KLF12: variants seen among roughly 807,000 people sequenced by gnomAD.
KLF12 encodes KLF transcription factor 12, also known as Krueppel-like factor 12.
KLF12 carries 9 observed loss-of-function variants against 37.8 expected under a neutral mutation model. The observed-to-expected ratio is 0.24, with a 90% CI of 0.14 to 0.42. KLF12 has a LOEUF of 0.42. Ranked by LOEUF, KLF12 falls within the 10% of genes least tolerant of loss-of-function variation. The pLI, the probability that KLF12 is intolerant of heterozygous loss-of-function variation, is 1.00. For synonymous variants in KLF12, 208 were observed against 202.1 expected (o/e 1.03, Z -0.25); for missense variants, 411 against 516.0 (o/e 0.80, Z 1.97).
intron 6 of KLF12, among the ~76,000 whole-genome samples, chr13:73,749,124 T>C (rs1014985877): frequency 6.6e-6 from 1 of 152,174 alleles, no homozygotes; most frequent in Non-Finnish European, 1.5e-5. Flanking sequence ...GCTACAATCC[T>C]AGGGGAGGCC....
At chr13:74,135,524 T>C (rs1208088636), upstream of KLF12, among the ~76,000 whole-genome samples, 1 of 150,874 alleles carries the variant, frequency 6.6e-6, no homozygotes, top group Non-Finnish European at 1.5e-5. Context: ...CCGCGGCGGC[T>C]CGGAGGGCGC....
At chr13:74,289,963 T>G in the KLF12 span, among the ~76,000 whole-genome samples, 2 of 152,216 alleles carry the variant, frequency 1.3e-5, no homozygotes. Flanking sequence ...TTGATGTAGC[T>G]GGAGGCCCTA....
chr13:73,962,170 A>C (rs1056876639), intron 2 of KLF12, among the ~76,000 whole-genome samples: 16 of 152,242 alleles, frequency 1.1e-4, no homozygotes, highest in African/African-American at 3.9e-4. Flanking sequence ...AGCCATGAAA[A>C]GACATGCAGG....
chr13:73,949,915 A>G (rs1442148767), intron 2 of KLF12, among the ~76,000 whole-genome samples: 5 of 152,056 alleles, frequency 3.3e-5, no homozygotes, highest in East Asian at 1.9e-4. Context: ...AATAAGAGCC[A>G]AAACCATAGG....
intron 1 of KLF12, among the ~76,000 whole-genome samples, chr13:74,095,149 A>G (rs1875904297): frequency 6.6e-6 from 1 of 152,126 alleles, no homozygotes; most frequent in African/African-American, 2.4e-5. Context: ...CCAGACTGAA[A>G]AGTTCACATT....
chr13:73,802,932 T>C (rs996154375), intron 5 of KLF12, among the ~76,000 whole-genome samples: 3 of 152,172 alleles, frequency 2.0e-5, no homozygotes, highest in Non-Finnish European at 4.4e-5. Context: ...TACACTAATA[T>C]GGACATTTTA....
chr13:74,055,075 C>T (rs1873170320), intron 1 of KLF12, among the ~76,000 whole-genome samples: 1 of 152,174 alleles, frequency 6.6e-6, no homozygotes. Flanking sequence ...CTCAAGAGCA[C>T]CTAGCAGAAT....
In KLF12 at chr13:73,840,117, C is replaced by T. The variant is rs139072135; in HGVS notation, c.670+5710G>A. Among the ~76,000 whole-genome samples, 159 of 152,282 alleles carry T rather than the reference C, an allele frequency of 1.0e-3. 1 individual carries two copies. The highest frequency in any genetic ancestry group is 3.5e-3 in the African/African-American group (146 of 41,560). ...TCAGTGTCAACGATGAACACTCCCT[C>T]GCCAAATGCACAATTCTCGGTCCTC... is the stretch of plus-strand genomic sequence containing the variant. On this transcript the variant is annotated intron_variant, in intron 4 of 7. Coordinates refer to ENST00000377669, the MANE Select transcript of KLF12 (RefSeq NM_007249.5).
intron 7 of KLF12, 24 bp from the exon 8 acceptor site, chr13:73,695,695 G>C (rs778564724): frequency 6.2e-7 from 1 of 1,607,546 alleles, no homozygotes; most frequent in Non-Finnish European, 8.5e-7. Flanking sequence ...AGGAACACAA[G>C]CTTTGGTGCT....
At chr13:73,768,648 C>T (rs573726765) in intron 5 of KLF12, among the ~76,000 whole-genome samples, 11 of 152,252 alleles carry the variant, frequency 7.2e-5, no homozygotes, top group South Asian at 2.1e-4. Context: ...ACAGTAATCA[C>T]GGCAATGCAA....
chr13:74,032,553 G>A (rs994216539), intron 1 of KLF12, among the ~76,000 whole-genome samples: 5 of 152,272 alleles, frequency 3.3e-5, no homozygotes, highest in Non-Finnish European at 7.4e-5. Flanking sequence ...CCAGCGTTCA[G>A]TGTCAACTCA....
chr13:73,992,571 T>A (rs1467717576), intron 2 of KLF12, among the ~76,000 whole-genome samples: 1 of 152,158 alleles, frequency 6.6e-6, no homozygotes, highest in Non-Finnish European at 1.5e-5. Context: ...AGTAGGCTAT[T>A]TAAATTTTAG....
At chr13:74,071,252 C>T (rs147824500) in intron 1 of KLF12, among the ~76,000 whole-genome samples, 3,371 of 152,202 alleles carry the variant, frequency 0.022, 127 homozygotes, top group African/African-American at 0.076. Flanking sequence ...ATCCTGGCAA[C>T]AGTACACACA....
chr13:74,138,247 T>A (rs1245102816), upstream of KLF12, among the ~76,000 whole-genome samples: 1 of 152,206 alleles, frequency 6.6e-6, no homozygotes, highest in Non-Finnish European at 1.5e-5. Context: ...AGGTAAAAGC[T>A]ATGTTGAAAG....
upstream of KLF12, among the ~76,000 whole-genome samples, chr13:74,135,690 C>G (rs1286740924): frequency 6.6e-6 from 1 of 151,992 alleles, no homozygotes; most frequent in Non-Finnish European, 1.5e-5. Flanking sequence ...CGACAGTATT[C>G]CCCTGCCCCG....
chr13:74,083,513 C>A (rs934219533), intron 1 of KLF12, among the ~76,000 whole-genome samples: 2 of 151,356 alleles, frequency 1.3e-5, no homozygotes, highest in African/African-American at 4.9e-5. Context: ...CACACACACA[C>A]ACACACACAC....
At chr13:73,962,538 G>A (rs148142630) in intron 2 of KLF12, among the ~76,000 whole-genome samples, 180 of 152,278 alleles carry the variant, frequency 1.2e-3, no homozygotes, top group African/African-American at 2.9e-3. Flanking sequence ...TACCACTGTC[G>A]TGCAGGATGC....
intron 1 of KLF12, among the ~76,000 whole-genome samples, chr13:74,099,327 A>G (rs1464192437): frequency 6.6e-6 from 1 of 152,210 alleles, no homozygotes; most frequent in African/African-American, 2.4e-5. Context: ...AGCCTGGGCA[A>G]CAGAGTGAGA....
At chr13:74,006,174 G>A (rs1892403717) in intron 1 of KLF12, among the ~76,000 whole-genome samples, 1 of 152,078 alleles carries the variant, frequency 6.6e-6, no homozygotes, top group African/African-American at 2.4e-5. Context: ...TCTCCGCCAT[G>A]GTCTCTTTGA....
Sources: gnomAD v4.1 joint callset for allele counts (sites outside exome capture counted in the v4.1 genomes callset) on GRCh38, gnomAD v4.1.1 for gene constraint, MANE v1.5 for transcripts, NCBI Gene and HGNC (gene_info 2026-07-23, HGNC 2026-07-21) for gene names.